Variants in METTL5 observed in about 807,000 individuals in gnomAD.
The protein encoded by METTL5 is rRNA N(6)-adenosine-methyltransferase METTL5.
METTL5 carries 28 observed loss-of-function variants against 26.5 expected under a neutral mutation model. The observed-to-expected ratio is 1.06, with a 90% confidence interval of 0.78 to 1.45. The LOEUF is 1.45. Among genes scored for constraint, METTL5 ranks in the 40% most tolerant of loss-of-function variants. METTL5 has a pLI of 0.00. For missense variants in METTL5, 231 were observed against 249.9 expected (o/e 0.92, Z 0.51); for synonymous variants, 86 against 82.6 (o/e 1.04, Z -0.22).
At chr2:169,812,037 AATATATACT>A (rs1373812706) in intron 6 of METTL5, 179 bp from the exon 7 acceptor site, 7 of 704,116 alleles carry the variant, frequency 9.9e-6, no homozygotes, top group Non-Finnish European at 2.3e-6. Context: ...TAACTAATAA[AATATATACT>A]ATATGAAAAG....
chr2:169,815,977 T>C (rs550959016), intron 4 of METTL5, among the ~76,000 whole-genome samples: 1 of 152,324 alleles, frequency 6.6e-6, no homozygotes, highest in Admixed American at 6.5e-5. Flanking sequence ...AGTAATAGGT[T>C]GACAGGTTTG....
intron 1 of METTL5, 41 bp downstream of exon 1, chr2:169,824,448 C>G: frequency 7.1e-7 from 1 of 1,418,010 alleles, no homozygotes; most frequent in Non-Finnish European, 1.0e-6. Flanking sequence ...GTAGACTGGA[C>G]TAACGCCGAA....
intron 6 of METTL5, chr2:169,812,157 T>C (rs1029909974): frequency 3.6e-6 from 2 of 554,804 alleles, no homozygotes; most frequent in Non-Finnish European, 3.1e-6. Flanking sequence ...CCACAGGCCA[T>C]TTATGGTGTC....
chr2:169,821,028 C>A, intron 3 of METTL5, 64 bp downstream of exon 3: 2 of 1,368,712 alleles, frequency 1.5e-6, no homozygotes, highest in South Asian at 2.9e-5. Flanking sequence ...CTGCGCCTGG[C>A]CTTAAAAATG....
chr2:169,819,801 G>C (rs751659380), intron 3 of METTL5, among the ~76,000 whole-genome samples, 158 bp from the exon 4 acceptor site: 2 of 152,090 alleles, frequency 1.3e-5, no homozygotes, highest in African/African-American at 2.4e-5. Flanking sequence ...TTATTTTAAG[G>C]CTGGTAGAAT....
At chr2:169,812,731 T>C (rs1200500488) in intron 5 of METTL5, 6 of 499,252 alleles carry the variant, frequency 1.2e-5, no homozygotes, top group South Asian at 5.1e-5. Context: ...TTTGAGGTTA[T>C]AAGTGATGAG....
Position 169,811,807 on chromosome 2 carries a change from G to T in METTL5, c.*13C>A. The T allele has an allele frequency of 6.2e-7, 1 of 1,613,648 alleles. No individual in the cohort carries two copies. The highest frequency in any genetic ancestry group is 8.5e-7 in the Non-Finnish European group (1 of 1,179,778). ...TTTAAATAGGTTTTAAACGACTTTTGTTTGCGGGGCTTTTAAAAGGAAAAC... is the reference window on the plus strand; with the variant it reads ...TTTAAATAGGTTTTAAACGACTTTTTTTTGCGGGGCTTTTAAAAGGAAAAC... On this transcript the variant is annotated 3_prime_UTR_variant, in exon 7 of 7. Coordinates refer to ENST00000260953, the MANE Select transcript of METTL5 (RefSeq NM_014168.4).
At position 169,812,086 on chromosome 2, in the gene METTL5, T is replaced by A. The variant is rs115840061; in HGVS notation, c.592-228A>T. 3.1e-3 allele frequency: 1,859 copies of A among 603,620 alleles called. 32 individuals are homozygous for A. Among genetic ancestry groups the A allele is most frequent in the African/African-American group, 0.03 (1,591 of 53,724 alleles). 37.4% of individuals were successfully genotyped at this position (603,620 alleles called of 1,614,324 possible). On this transcript the variant is annotated intron_variant, in intron 6 of 6. Transcript: ENST00000260953. Reference sequence around the variant, plus strand: ...AAAACAGTTTTTGATTTTTTTTTTCTTTTTGTACCCAAAGCATTTAGGAAA... The same window carrying A: ...AAAACAGTTTTTGATTTTTTTTTTCATTTTGTACCCAAAGCATTTAGGAAA...
chr2:169,821,039 G>T (rs1310779554), intron 3 of METTL5, 53 bp downstream of exon 3: 2 of 1,456,344 alleles, frequency 1.4e-6, no homozygotes, highest in East Asian at 2.4e-5. Flanking sequence ...CTTAAAAATG[G>T]TTTTAAAATC....
chr2:169,814,475 A>AAAAAAAAAAAAAAAG (rs1053940496), intron 5 of METTL5, among the ~76,000 whole-genome samples: 3 of 149,300 alleles, frequency 2.0e-5, no homozygotes, highest in Non-Finnish European at 4.5e-5. Flanking sequence ...TCTCAAAAAA[A>AAAAAAAAAAAAAAAG]AAAAAAGAAA....
rs200023184 is a variant in METTL5, at chr2:169,821,193, A to G, written c.305T>C (p.Ile102Thr). 20 of 1,612,728 alleles carry G rather than the reference A, an allele frequency of 1.2e-5. No individual in the cohort carries two copies. The highest frequency in any genetic ancestry group is 1.4e-5 in the Non-Finnish European group (17 of 1,179,206). ...GCACACATCACATTGAACCATGTCAATATTTGTTAACTCAAACTCTTCTGC... is the reference window on the plus strand; with the variant it reads ...GCACACATCACATTGAACCATGTCAGTATTTGTTAACTCAAACTCTTCTGC... Reference protein sequence around the residue: ...RNAEEFELTNIDMVQCDVCLL... With the variant: ...RNAEEFELTNTDMVQCDVCLL... Residue 102 changes from isoleucine to threonine, a missense_variant, in exon 3 of 7, where the codon ATT becomes ACT. Coordinates refer to ENST00000260953, the MANE Select transcript of METTL5 (RefSeq NM_014168.4).
intron 5 of METTL5, among the ~76,000 whole-genome samples, chr2:169,814,581 T>TC (rs1252767599): frequency 6.6e-6 from 1 of 150,516 alleles, no homozygotes; most frequent in African/African-American, 2.4e-5. Context: ...GCCCACTTTT[T>TC]TTTTTTTTTT....
Position 169,824,546 on chromosome 2 carries a change from C to T in METTL5, c.52G>A (p.Gly18Arg). 6.2e-7 allele frequency: 1 copy of T among 1,614,228 alleles called. No individual in the cohort carries two copies. The change falls in exon 1 of 7, where the codon GGA (glycine) becomes AGA (arginine). Residue 18 changes from glycine to arginine, a missense_variant. Gly to Arg is a moderately radical substitution (Grantham distance 125, BLOSUM62 -2). Transcript: ENST00000260953. ...AGAAGTAGCTTGGGCTTTTCAAATCCATCCACTTGTTGCAGGCGACTCTCT... is the reference window on the plus strand; with the variant it reads ...AGAAGTAGCTTGGGCTTTTCAAATCTATCCACTTGTTGCAGGCGACTCTCT... ...ELESRLQQVD[G>R]FEKPKLLLEQ...
chr2:169,811,902 TG>T (rs1400656692), intron 6 of METTL5, 44 bp from the exon 7 acceptor site: 1 of 1,593,202 alleles, frequency 6.3e-7, no homozygotes, highest in South Asian at 1.1e-5. Flanking sequence ...CTTGTCTTTT[TG>T]TTATGCAAAT....
At chr2:169,815,295 A>C (rs2081486245) in intron 5 of METTL5, among the ~76,000 whole-genome samples, 182 bp downstream of exon 5, 1 of 152,172 alleles carries the variant, frequency 6.6e-6, no homozygotes, top group Non-Finnish European at 1.5e-5. Flanking sequence ...TAAATCGCAT[A>C]AATTAGGACA....
chr2:169,820,062 A>G (rs1382296591), intron 3 of METTL5, among the ~76,000 whole-genome samples: 2 of 151,648 alleles, frequency 1.3e-5, no homozygotes, highest in African/African-American at 4.8e-5. Context: ...GATTCAAGTG[A>G]TTCTCCTGCC....
chr2:169,822,821 A>G (rs1227548390), intron 1 of METTL5, among the ~76,000 whole-genome samples: 1 of 152,192 alleles, frequency 6.6e-6, no homozygotes, highest in Non-Finnish European at 1.5e-5. Flanking sequence ...CATGATCTAC[A>G]GACATATATA....
chr2:169,823,211 T>G (rs369582386), intron 1 of METTL5, among the ~76,000 whole-genome samples: 1 of 152,098 alleles, frequency 6.6e-6, no homozygotes, highest in Non-Finnish European at 1.5e-5. Flanking sequence ...ACTCCTGGGC[T>G]CGTCATCCTC....
intron 3 of METTL5, 89 bp from the exon 4 acceptor site, chr2:169,819,732 T>C: frequency 1.3e-6 from 1 of 796,988 alleles, no homozygotes; most frequent in South Asian, 1.7e-5. Context: ...TCTTCCAAAC[T>C]TCAAAATAGC....
Sources: gnomAD v4.1 joint callset for allele counts (sites outside exome capture counted in the v4.1 genomes callset) on GRCh38, gnomAD v4.1.1 for gene constraint, MANE v1.5 for transcripts, NCBI Gene and HGNC (gene_info 2026-07-23, HGNC 2026-07-21) for gene names.